ATRNL1: variants seen among roughly 807,000 people sequenced by gnomAD.
ATRNL1 encodes the protein attractin like 1, also known as attractin-like protein 1.
Under a neutral mutation model 182.7 loss-of-function variants are expected in ATRNL1, and 95 were observed. The ratio of observed to expected loss-of-function variants is 0.52; its 90% CI spans 0.44 to 0.62. The LOEUF (loss-of-function observed/expected upper bound fraction) is 0.62, where lower values mean the gene tolerates loss of function less well. Ranked by LOEUF, ATRNL1 falls within the 20% of genes least tolerant of loss-of-function variation. The probability of loss-of-function intolerance (pLI) is 0.00; values close to 1 mark genes in which losing one functional copy is unlikely to be tolerated. For missense variants in ATRNL1, 1,471 were observed against 1,679.5 expected (o/e 0.88, Z 2.17); for synonymous variants, 576 against 568.3 (o/e 1.01, Z -0.19).
intron 21 of ATRNL1, among the ~76,000 whole-genome samples, chr10:115,456,680 A>G (rs1847540962): frequency 6.6e-6 from 1 of 152,156 alleles, no homozygotes; most frequent in African/African-American, 2.4e-5. Context: ...ATACTCTCTA[A>G]TGAATATATT....
intron 20 of ATRNL1, among the ~76,000 whole-genome samples, chr10:115,408,250 G>A (rs1554958863): frequency 4.0e-5 from 6 of 151,794 alleles, no homozygotes; most frequent in East Asian, 1.9e-4. Flanking sequence ...TGATCCACCC[G>A]CCTCGGCCTC....
intron 5 of ATRNL1, among the ~76,000 whole-genome samples, chr10:115,143,754 G>GT (rs1359638818): frequency 2.0e-5 from 3 of 152,084 alleles, no homozygotes; most frequent in Admixed American, 6.5e-5. Flanking sequence ...GAGAACGCAC[G>GT]TGAGAGTGTG....
chr10:115,523,239 A>T (rs186414163), intron 25 of ATRNL1, among the ~76,000 whole-genome samples: 2 of 152,230 alleles, frequency 1.3e-5, no homozygotes, highest in Admixed American at 1.3e-4. Context: ...GGGCATGGCA[A>T]TGTTGTCCCA....
intron 27 of ATRNL1, among the ~76,000 whole-genome samples, chr10:115,832,528 C>T (rs1950581293): frequency 6.6e-6 from 1 of 152,318 alleles, no homozygotes; most frequent in South Asian, 2.1e-4. Context: ...AGACCTTGAA[C>T]TACAACGTAT....
chr10:115,492,038 A>G (rs958220045), intron 24 of ATRNL1, among the ~76,000 whole-genome samples: 1 of 152,070 alleles, frequency 6.6e-6, no homozygotes, highest in African/African-American at 2.4e-5. Context: ...GCGATGCCCT[A>G]TCCTGCTTCA....
intron 5 of ATRNL1, among the ~76,000 whole-genome samples, chr10:115,139,984 A>G (rs1477610686): frequency 6.6e-6 from 1 of 152,232 alleles, no homozygotes; most frequent in Non-Finnish European, 1.5e-5. Flanking sequence ...AGCCTACAGC[A>G]AAGATGAAGC....
At chr10:115,119,516 A>T (rs879996311) in intron 1 of ATRNL1, among the ~76,000 whole-genome samples, 1 of 152,094 alleles carries the variant, frequency 6.6e-6, no homozygotes, top group Admixed American at 6.5e-5. Context: ...AAAATGAAGC[A>T]GAATTGAGAT....
At chr10:115,646,169 T>G (rs1324059389) in intron 26 of ATRNL1, among the ~76,000 whole-genome samples, 4 of 152,156 alleles carry the variant, frequency 2.6e-5, no homozygotes, top group East Asian at 1.9e-4. Flanking sequence ...TTATACTGAT[T>G]TTTTAAAACA....
intron 5 of ATRNL1, among the ~76,000 whole-genome samples, chr10:115,148,681 A>G (rs1351310732): frequency 1.3e-5 from 2 of 152,008 alleles, no homozygotes; most frequent in South Asian, 4.1e-4. Flanking sequence ...TAAAGAAGAG[A>G]AAAGCTCCCC....
intron 26 of ATRNL1, among the ~76,000 whole-genome samples, chr10:115,630,827 T>TAC (rs199640218): frequency 0.19 from 24,759 of 129,490 alleles, 2,719 homozygotes; most frequent in Middle Eastern, 0.3. Flanking sequence ...ATATGTATTA[T>TAC]ACACACACAC....
chr10:115,171,479 CT>C (rs1329422005), intron 8 of ATRNL1, 187 bp downstream of exon 8: 4 of 460,434 alleles, frequency 8.7e-6, no homozygotes, highest in Non-Finnish European at 1.1e-5. Context: ...TTAAGCTTAC[CT>C]TTTTAACCAA....
intron 26 of ATRNL1, among the ~76,000 whole-genome samples, 189 bp from the exon 27 acceptor site, chr10:115,727,059 C>T (rs1195565735): frequency 1.8e-4 from 27 of 152,100 alleles, no homozygotes; most frequent in Admixed American, 1.4e-3. Flanking sequence ...ACATTTAAAG[C>T]TTCTGTGGAC....
At chr10:115,783,829 A>G (rs1555079824) in intron 27 of ATRNL1, among the ~76,000 whole-genome samples, 1 of 152,108 alleles carries the variant, frequency 6.6e-6, no homozygotes, top group African/African-American at 2.4e-5. Context: ...CCTGGCCAAC[A>G]CAGTGTAACC....
chr10:115,917,992 C>A (rs1181820778), intron 28 of ATRNL1, among the ~76,000 whole-genome samples: 2 of 151,638 alleles, frequency 1.3e-5, no homozygotes, highest in East Asian at 3.9e-4. Context: ...AGATTTGTAT[C>A]ATGTTTAAAC....
chr10:115,290,715 C>G (rs1385504428), intron 15 of ATRNL1, among the ~76,000 whole-genome samples: 1 of 152,076 alleles, frequency 6.6e-6, no homozygotes, highest in Non-Finnish European at 1.5e-5. Context: ...GAAAACCTTT[C>G]TCTCCTGCAG....
At chr10:115,306,735 G>T (rs1853752080) in intron 17 of ATRNL1, among the ~76,000 whole-genome samples, 2 of 151,760 alleles carry the variant, frequency 1.3e-5, no homozygotes, top group African/African-American at 2.4e-5. Flanking sequence ...AACTCTGTTT[G>T]CATTTTTTGT....
At chr10:115,121,667 T>C (rs2143633521) in intron 2 of ATRNL1, 32 bp from the exon 3 acceptor site, 1 of 1,023,636 alleles carries the variant, frequency 9.8e-7, no homozygotes, top group Non-Finnish European at 1.4e-6. Context: ...TTGTATATTT[T>C]AATTTGAAAA....
At chr10:115,322,946 T>A (rs1376767676) in intron 18 of ATRNL1, among the ~76,000 whole-genome samples, 1 of 152,134 alleles carries the variant, frequency 6.6e-6, no homozygotes. Flanking sequence ...TTAATTATAA[T>A]GGGTCTTTTT....
chr10:115,415,625 A>G (rs1459296606), intron 20 of ATRNL1, among the ~76,000 whole-genome samples: 1 of 151,866 alleles, frequency 6.6e-6, no homozygotes, highest in Non-Finnish European at 1.5e-5. Flanking sequence ...TATGTAATTA[A>G]CTTGTCCTTT....
Sources: allele counts gnomAD v4.1 joint callset (sites outside exome capture counted in the v4.1 genomes callset), GRCh38; gene constraint gnomAD v4.1.1; transcripts MANE v1.5; gene names NCBI Gene and HGNC (gene_info 2026-07-23, HGNC 2026-07-21).